Variants in CDH2 observed in about 807,000 individuals in gnomAD.
CDH2 encodes the protein cadherin 2, also known as cadherin-2.
A neutral mutation model predicts 92.0 loss-of-function variants in CDH2; 17 were observed. The ratio of observed to expected loss-of-function variants is 0.18; its 90% CI spans 0.13 to 0.28. CDH2 has a LOEUF of 0.28. Among genes scored for constraint, CDH2 ranks in the 10% least tolerant of loss-of-function variants. CDH2 has a pLI of 1.00. For synonymous variants in CDH2, 419 were observed against 415.9 expected (o/e 1.01, Z -0.09); for missense variants, 862 against 1,133.1 (o/e 0.76, Z 3.44).
At position 27,951,772 on chromosome 18, in the gene CDH2, A is replaced by G. The variant is rs987915432; in HGVS notation, c.*381T>C. The G allele has an allele frequency of 6.5e-5, 11 of 169,876 alleles. No individual in the cohort carries two copies. Among genetic ancestry groups the G allele is most frequent in the Non-Finnish European group, 1.3e-4 (10 of 78,358 alleles). 10.5% of individuals were successfully genotyped at this position (169,876 alleles called of 1,614,324 possible). ...TAATAAAAGCAAATGCAATGTAACA[A>G]AAGCGTGTTGAAGCATATCATGGTT... On this transcript the variant is annotated 3_prime_UTR_variant, in exon 16 of 16. Coordinates refer to ENST00000269141, the MANE Select transcript of CDH2 (RefSeq NM_001792.5).
chr18:28,003,637 C>T (rs2012833709), intron 6 of CDH2, among the ~76,000 whole-genome samples: 1 of 152,178 alleles, frequency 6.6e-6, no homozygotes, highest in Non-Finnish European at 1.5e-5. Context: ...CGAATGTAGG[C>T]TGTGTGCAGA....
chr18:27,975,047 T>C (rs967999792), intron 14 of CDH2, among the ~76,000 whole-genome samples: 47 of 151,560 alleles, frequency 3.1e-4, no homozygotes, highest in Non-Finnish European at 5.4e-4. Flanking sequence ...TCTTTAAAAC[T>C]TAAAAAAACA....
chr18:27,987,930 C>A (rs1292633262), intron 11 of CDH2, among the ~76,000 whole-genome samples: 1 of 152,080 alleles, frequency 6.6e-6, no homozygotes, highest in Non-Finnish European at 1.5e-5. Flanking sequence ...GCAAAATAAG[C>A]CCCTCATCAG....
At chr18:28,126,912 G>T (rs756182906) in intron 2 of CDH2, among the ~76,000 whole-genome samples, 1 of 152,110 alleles carries the variant, frequency 6.6e-6, no homozygotes, top group Admixed American at 6.5e-5. Flanking sequence ...TGGTGCAGCC[G>T]GGACGCATCA....
chr18:27,970,717 G>A (rs963344195), intron 14 of CDH2, among the ~76,000 whole-genome samples: 3 of 152,078 alleles, frequency 2.0e-5, no homozygotes, highest in African/African-American at 2.4e-5. Context: ...GATTAAATCC[G>A]TCTATAACAA....
intron 2 of CDH2, among the ~76,000 whole-genome samples, chr18:28,144,759 G>T (rs2016009266): frequency 6.6e-6 from 1 of 152,030 alleles, no homozygotes; most frequent in Admixed American, 6.6e-5. Flanking sequence ...AAGAGTGGAT[G>T]TATTCATGTG....
chr18:28,167,742 A>G (rs1035529695), intron 1 of CDH2, among the ~76,000 whole-genome samples: 1 of 152,128 alleles, frequency 6.6e-6, no homozygotes, highest in Admixed American at 6.5e-5. Context: ...TGCATTTGAC[A>G]CTTCCATAAA....
chr18:27,976,521 T>G (rs1297172419), intron 14 of CDH2, among the ~76,000 whole-genome samples: 2 of 152,186 alleles, frequency 1.3e-5, no homozygotes, highest in Non-Finnish European at 2.9e-5. Context: ...GAACATGAGC[T>G]TTGTAAAGGA....
chr18:28,028,600 G>A (rs1179610814), intron 2 of CDH2, among the ~76,000 whole-genome samples: 1 of 152,078 alleles, frequency 6.6e-6, no homozygotes, highest in African/African-American at 2.4e-5. Context: ...AACAGGTCTT[G>A]AAAATTTACC....
At chr18:28,006,027 G>T in intron 5 of CDH2, 34 bp from the exon 6 acceptor site, 3 of 1,542,226 alleles carry the variant, frequency 1.9e-6, no homozygotes, top group Non-Finnish European at 1.8e-6. Context: ...CTATTTAACA[G>T]ATTTATGTCT....
chr18:28,094,794 A>AAAAC (rs1483121381), intron 2 of CDH2, among the ~76,000 whole-genome samples: 4 of 146,240 alleles, frequency 2.7e-5, no homozygotes, highest in African/African-American at 1.0e-4. Flanking sequence ...ACTCTGTCTA[A>AAAAC]AAAAAAAAAA....
At chr18:27,980,498 A>G (rs2012011058) in intron 14 of CDH2, among the ~76,000 whole-genome samples, 1 of 152,192 alleles carries the variant, frequency 6.6e-6, no homozygotes, top group Non-Finnish European at 1.5e-5. Flanking sequence ...TGGCACTCCT[A>G]CATCACATAT....
intron 2 of CDH2, chr18:28,036,340 C>A: frequency 1.5e-6 from 1 of 648,916 alleles, no homozygotes; most frequent in East Asian, 2.7e-5. Context: ...CAGAAATTCA[C>A]ATAAGCATTA....
chr18:28,121,206 A>C (rs1461515351), intron 2 of CDH2, among the ~76,000 whole-genome samples: 2 of 152,128 alleles, frequency 1.3e-5, no homozygotes, highest in Non-Finnish European at 2.9e-5. Context: ...AAATAAACTA[A>C]ATTGTCCAAG....
intron 2 of CDH2, among the ~76,000 whole-genome samples, chr18:28,132,721 G>C (rs1476630413): frequency 1.3e-5 from 2 of 152,100 alleles, no homozygotes; most frequent in Non-Finnish European, 2.9e-5. Flanking sequence ...TGAATCTCAG[G>C]GGAGGCCACC....
chr18:28,029,952 A>G (rs534343729), intron 2 of CDH2, among the ~76,000 whole-genome samples: 1 of 152,290 alleles, frequency 6.6e-6, no homozygotes, highest in East Asian at 1.9e-4. Flanking sequence ...CCATTACATT[A>G]ACTAAGATGA....
At chr18:27,950,225 A>T (rs1396740453), downstream of CDH2, among the ~76,000 whole-genome samples, 1 of 152,104 alleles carries the variant, frequency 6.6e-6, no homozygotes, top group Non-Finnish European at 1.5e-5. Context: ...TTAAGCAAAA[A>T]ATATAGTTAG....
intron 2 of CDH2, among the ~76,000 whole-genome samples, chr18:28,054,041 C>T (rs1242143777): frequency 1.3e-5 from 2 of 152,130 alleles, no homozygotes; most frequent in Admixed American, 1.3e-4. Flanking sequence ...TGAGTCTGTG[C>T]TGTGAGAGAG....
At chr18:28,028,839 A>G (rs2144078051) in intron 2 of CDH2, among the ~76,000 whole-genome samples, 1 of 152,290 alleles carries the variant, frequency 6.6e-6, no homozygotes, top group South Asian at 2.1e-4. Flanking sequence ...TAACATATAC[A>G]GAATTCCATG....
Sources: gnomAD v4.1 joint callset for allele counts (sites outside exome capture counted in the v4.1 genomes callset) on GRCh38, gnomAD v4.1.1 for gene constraint, MANE v1.5 for transcripts, NCBI Gene and HGNC (gene_info 2026-07-23, HGNC 2026-07-21) for gene names.